The following HS3ST3A1 variants were observed in gnomAD, a reference collection of about 807,000 sequenced individuals.
HS3ST3A1 encodes heparan sulfate-glucosamine 3-sulfotransferase 3A1.
In HS3ST3A1, 19 loss-of-function variants were observed where a neutral mutation model predicts 25.7. That is an observed-to-expected ratio of 0.74 (90% CI 0.52 to 1.08). The LOEUF (loss-of-function observed/expected upper bound fraction) is 1.08. Among genes scored for constraint, HS3ST3A1 ranks in the 50% least tolerant of loss-of-function variants. The pLI is 0.00. For synonymous variants in HS3ST3A1, 226 were observed against 278.6 expected, an observed-to-expected ratio of 0.81 and a Z score of 1.88; for missense variants, 459 against 594.3, an observed-to-expected ratio of 0.77 and a Z score of 2.37.
At chr17:13,567,034 G>C (rs537733692) in intron 1 of HS3ST3A1, among the ~76,000 whole-genome samples, 2 of 152,358 alleles carry the variant, frequency 1.3e-5, no homozygotes, top group African/African-American at 4.8e-5. Context: ...CATAGCTACA[G>C]AGAAGTTAAT....
chr17:13,535,623 A>C (rs965422794), intron 1 of HS3ST3A1, among the ~76,000 whole-genome samples: 1 of 152,052 alleles, frequency 6.6e-6, no homozygotes, highest in Non-Finnish European at 1.5e-5. Context: ...AAATCTGTGA[A>C]TAGTGAGGAT....
chr17:13,550,850 C>T lies in HS3ST3A1; in HGVS notation c.599+49681G>A, dbSNP rs539875937. On this transcript the variant is annotated intron_variant, in intron 1 of 1. Coordinates refer to ENST00000284110, the MANE Select transcript of HS3ST3A1 (RefSeq NM_006042.3). ...TTGGGAGGCCAAGGCGGGCAGATCT[C>T]GATGTCCGAAGATCGAGACCATCCT... 7.9e-5 allele frequency among the ~76,000 whole-genome samples: 12 copies of T among 152,216 alleles called. 1 individual carries two copies. Among genetic ancestry groups the T allele is most frequent in the African/African-American group, 2.9e-4 (12 of 41,552 alleles).
At chr17:13,497,716 A>G (rs1036755307) in intron 1 of HS3ST3A1, among the ~76,000 whole-genome samples, 3 of 152,234 alleles carry the variant, frequency 2.0e-5, no homozygotes, top group Non-Finnish European at 2.9e-5. Flanking sequence ...GTATACTGCA[A>G]TTAAATGCAC....
chr17:13,548,414 T>G (rs1327820349), intron 1 of HS3ST3A1, among the ~76,000 whole-genome samples: 1 of 152,208 alleles, frequency 6.6e-6, no homozygotes, highest in East Asian at 1.9e-4. Context: ...CTACTGAAAG[T>G]GCTATCTATA....
chr17:13,550,094 G>A (rs1292068186), intron 1 of HS3ST3A1, among the ~76,000 whole-genome samples: 1 of 152,162 alleles, frequency 6.6e-6, no homozygotes, highest in African/African-American at 2.4e-5. Flanking sequence ...TGTTGTATAT[G>A]CAACACCACA....
At chr17:13,525,875 T>C (rs2142324809) in intron 1 of HS3ST3A1, among the ~76,000 whole-genome samples, 1 of 152,258 alleles carries the variant, frequency 6.6e-6, no homozygotes, top group Middle Eastern at 3.4e-3. Context: ...CCTTTTTTTT[T>C]TCTGTGATTT....
chr17:13,523,126 G>C (rs1489997467), intron 1 of HS3ST3A1, among the ~76,000 whole-genome samples: 1 of 152,150 alleles, frequency 6.6e-6, no homozygotes, highest in Non-Finnish European at 1.5e-5. Flanking sequence ...CAAGAGTCCA[G>C]CATCTGAGAC....
Position 13,532,194 on chromosome 17 carries a change from C to T in HS3ST3A1, c.600-35376G>A, listed in dbSNP as rs563667059. ...CTGGCAGTTCTGTTTCAGATGAAGA[C>T]GGGCTGCTGAACACAGGATCTTCTA... On this transcript the variant is annotated intron_variant, in intron 1 of 1. Coordinates refer to ENST00000284110, the MANE Select transcript of HS3ST3A1 (RefSeq NM_006042.3). Among the ~76,000 whole-genome samples the T allele has an allele frequency of 5.9e-5, 9 of 152,228 alleles. 1 individual carries two copies. Among genetic ancestry groups the T allele is most frequent in the South Asian group, 4.1e-4 (2 of 4,822 alleles).
intron 1 of HS3ST3A1, among the ~76,000 whole-genome samples, chr17:13,577,640 C>T (rs1333052739): frequency 2.0e-5 from 3 of 152,092 alleles, no homozygotes; most frequent in Admixed American, 6.5e-5. Context: ...ACAGAAATCA[C>T]CAAATTTGAC....
chr17:13,572,229 TC>T (rs1410777435), intron 1 of HS3ST3A1, among the ~76,000 whole-genome samples: 2 of 152,178 alleles, frequency 1.3e-5, no homozygotes, highest in African/African-American at 4.8e-5. Context: ...ATGAATATGC[TC>T]AGAAAACATT....
At chr17:13,514,722 C>T (rs921818588) in intron 1 of HS3ST3A1, among the ~76,000 whole-genome samples, 4 of 151,986 alleles carry the variant, frequency 2.6e-5, no homozygotes, top group Admixed American at 6.6e-5. Flanking sequence ...TTGCCAGAGA[C>T]GAGGAGAGGG....
intron 1 of HS3ST3A1, among the ~76,000 whole-genome samples, chr17:13,517,321 T>A (rs1191489654): frequency 6.6e-6 from 1 of 152,212 alleles, no homozygotes; most frequent in African/African-American, 2.4e-5. Context: ...TGGCCAAGCA[T>A]CCTATTGGCT....
intron 1 of HS3ST3A1, among the ~76,000 whole-genome samples, chr17:13,539,883 G>A (rs947841951): frequency 6.6e-6 from 1 of 152,128 alleles, no homozygotes; most frequent in African/African-American, 2.4e-5. Context: ...CATTTTAGAA[G>A]CTCACCACCA....
intron 1 of HS3ST3A1, among the ~76,000 whole-genome samples, chr17:13,524,801 C>G (rs979624774): frequency 2.0e-5 from 3 of 152,082 alleles, no homozygotes; most frequent in Non-Finnish European, 4.4e-5. Flanking sequence ...TCCTACAAAT[C>G]TATAATTGTT....
At chr17:13,504,494 G>T (rs530034647) in intron 1 of HS3ST3A1, among the ~76,000 whole-genome samples, 1 of 152,166 alleles carries the variant, frequency 6.6e-6, no homozygotes, top group Non-Finnish European at 1.5e-5. Context: ...GTGTCTAGAA[G>T]AGGGCATGAG....
At chr17:13,505,193 C>G (rs1158288520) in intron 1 of HS3ST3A1, among the ~76,000 whole-genome samples, 1 of 152,122 alleles carries the variant, frequency 6.6e-6, no homozygotes, top group East Asian at 1.9e-4. Context: ...AGAAAGTCAG[C>G]AGCCAAAGGG....
chr17:13,600,637 T>A lies in HS3ST3A1; in HGVS notation c.493A>T (p.Thr165Ser). Residue 165 changes from threonine (T) to serine (S), a missense_variant, in exon 1 of 2, where the codon ACG becomes TCG. By Grantham distance (58) the Thr-to-Ser change is moderately conservative. Transcript: ENST00000284110. The stretch of plus-strand genomic sequence containing the variant: ...CGCAGGAACTCCAGCAGCGCCCGCG[T>A]GCCGCCCTTCTTCACTCCGATGATG... Reference protein sequence around the residue: ...AIIIGVKKGGTRALLEFLRVH... With the variant: ...AIIIGVKKGGSRALLEFLRVH... The A allele has an allele frequency of 2.5e-6, 4 of 1,595,634 alleles. No individual in the cohort carries two copies. Among genetic ancestry groups the A allele is most frequent in the Non-Finnish European group, 3.4e-6 (4 of 1,176,348 alleles).
chr17:13,596,057 C>T (rs1908566948), intron 1 of HS3ST3A1, among the ~76,000 whole-genome samples: 1 of 152,072 alleles, frequency 6.6e-6, no homozygotes. Context: ...TTAAAGGAGA[C>T]AAATATTTTG....
chr17:13,593,624 G>C (rs1341817510), intron 1 of HS3ST3A1, among the ~76,000 whole-genome samples: 1 of 152,218 alleles, frequency 6.6e-6, no homozygotes, highest in Non-Finnish European at 1.5e-5. Flanking sequence ...CGGAATAAAA[G>C]AGAATCGGCA....
Sources: allele counts gnomAD v4.1 joint callset (sites outside exome capture counted in the v4.1 genomes callset), GRCh38; gene constraint gnomAD v4.1.1; transcripts MANE v1.5; gene names NCBI Gene and HGNC (gene_info 2026-07-23, HGNC 2026-07-21).